The following MATCAP1 variants were observed in gnomAD, a reference collection of about 807,000 sequenced individuals.
The protein encoded by MATCAP1 is microtubule-associated tyrosine carboxypeptidase 1.
chr16:67,179,291 T>C, the MATCAP1 span: 1 of 1,493,004 alleles, frequency 6.7e-7, no homozygotes, highest in South Asian at 1.4e-5. This position sits in a 1 kb window ranked among gnomAD's most constrained non-coding sequence, Gnocchi z 5.2. Context: ...AGGTGGCTGC[T>C]CAGGAAGGGA....
the MATCAP1 span, chr16:67,179,898 C>T: frequency 6.2e-7 from 1 of 1,614,264 alleles, no homozygotes; most frequent in Admixed American, 1.7e-5. This position sits in a 1 kb window ranked among gnomAD's most constrained non-coding sequence, Gnocchi z 5.2. Context: ...CCCCCAGTGG[C>T]AGCCTCAAAG....
chr16:67,180,281 C>T, the MATCAP1 span: 1 of 1,612,522 alleles, frequency 6.2e-7, no homozygotes, highest in Non-Finnish European at 8.5e-7. Context: ...GCAGGGTGCC[C>T]CCACCTGGGT....
the MATCAP1 span, chr16:67,180,166 C>T: frequency 6.2e-7 from 1 of 1,614,214 alleles, no homozygotes; most frequent in South Asian, 1.1e-5. Context: ...CGCTCACGGT[C>T]CATGTTGGTT....
At chr16:67,179,140 T>C in the MATCAP1 span, 4 of 1,231,708 alleles carry the variant, frequency 3.2e-6, no homozygotes, top group Non-Finnish European at 3.1e-6. This position sits in a 1 kb window ranked among gnomAD's most constrained non-coding sequence, Gnocchi z 5.2. Context: ...GGTCAGGGCC[T>C]GACCAGCCTT....
chr16:67,177,168 C>T, the MATCAP1 span, among the ~76,000 whole-genome samples: 1 of 152,160 alleles, frequency 6.6e-6, no homozygotes, highest in African/African-American at 2.4e-5. Flanking sequence ...TCAACAGTTT[C>T]TTTTTGTCAT....
chr16:67,178,180 C>A, the MATCAP1 span: 1 of 1,535,694 alleles, frequency 6.5e-7, no homozygotes, highest in South Asian at 1.2e-5. Flanking sequence ...CTAGGCACCT[C>A]CCCCGCGCTG....
chr16:67,182,484 C>T, the MATCAP1 span, among the ~76,000 whole-genome samples: 1 of 152,216 alleles, frequency 6.6e-6, no homozygotes, highest in African/African-American at 2.4e-5. Flanking sequence ...AGACTTCTTC[C>T]ATAAACTTTA....
chr16:67,180,446 TG>T, the MATCAP1 span: 8 of 1,609,706 alleles, frequency 5.0e-6, no homozygotes, highest in African/African-American at 1.3e-5. Flanking sequence ...GCTGCAGCGC[TG>T]GGGGGACTGC....
At chr16:67,183,561 TAATG>T in the MATCAP1 span, 3 of 152,268 alleles carry the variant, frequency 2.0e-5, no homozygotes, top group Non-Finnish European at 4.4e-5. Flanking sequence ...ACTGGGTGCA[TAATG>T]AATGAAGGAT....
At chr16:67,178,946 G>C in the MATCAP1 span, 2 of 418,532 alleles carry the variant, frequency 4.8e-6, no homozygotes, top group African/African-American at 4.1e-5. Flanking sequence ...GAGGAAGAGG[G>C]ACAGACAGAT....
At chr16:67,178,561 G>A in the MATCAP1 span, 1 of 1,427,874 alleles carries the variant, frequency 7.0e-7, no homozygotes, top group Non-Finnish European at 9.5e-7. Flanking sequence ...ACCCGCCTGC[G>A]AGCCCAGCCC....
chr16:67,179,367 AC>A, the MATCAP1 span: 1 of 1,538,872 alleles, frequency 6.5e-7, no homozygotes, highest in Non-Finnish European at 8.8e-7. The surrounding 1 kb of genome is among the most constrained non-coding windows in gnomAD (Gnocchi z 5.2). Context: ...CCTCCTTCCC[AC>A]CCCTCCCAGC....
the MATCAP1 span, among the ~76,000 whole-genome samples, chr16:67,183,025 G>T: frequency 1.3e-5 from 2 of 152,112 alleles, no homozygotes; most frequent in Non-Finnish European, 2.9e-5. Flanking sequence ...ATGAATCCAA[G>T]AGCTCTTCTT....
At chr16:67,183,641 G>A in the MATCAP1 span, 3 of 153,202 alleles carry the variant, frequency 2.0e-5, no homozygotes, top group Non-Finnish European at 4.4e-5. Flanking sequence ...TGTGGCCTGT[G>A]CGGAGAGAAG....
the MATCAP1 span, among the ~76,000 whole-genome samples, chr16:67,182,882 T>C: frequency 6.6e-6 from 1 of 152,134 alleles, no homozygotes; most frequent in African/African-American, 2.4e-5. Context: ...CCATCTGGAG[T>C]GTACTTCAGT....
the MATCAP1 span, chr16:67,178,811 C>CA: frequency 1.5e-6 from 1 of 656,700 alleles, no homozygotes; most frequent in African/African-American, 1.8e-5. Flanking sequence ...ACATTGCCCC[C>CA]AGCCCTCCTG....
At chr16:67,178,563 G>T in the MATCAP1 span, 11 of 1,413,460 alleles carry the variant, frequency 7.8e-6, no homozygotes, top group Non-Finnish European at 1.1e-5. Context: ...CCGCCTGCGA[G>T]CCCAGCCCTG....
At chr16:67,177,887 C>T in the MATCAP1 span, 1,317 of 798,748 alleles carry the variant, frequency 1.6e-3, 11 homozygotes, top group African/African-American at 0.019. Context: ...CTTCCACCCA[C>T]GCTCCCCCCT....
the MATCAP1 span, chr16:67,179,727 T>G: frequency 1.9e-6 from 3 of 1,566,184 alleles, no homozygotes; most frequent in Admixed American, 5.1e-5. The surrounding 1 kb of genome is among the most constrained non-coding windows in gnomAD (Gnocchi z 5.2). Flanking sequence ...GGGGCAGGGG[T>G]GGGTCAGGTG....
Sources: gnomAD v4.1 joint callset for allele counts (sites outside exome capture counted in the v4.1 genomes callset) on GRCh38, gnomAD v4.1.1 for gene constraint, Gnocchi (gnomAD v3.1) non-coding constraint, MANE v1.5 for transcripts, NCBI Gene and HGNC (gene_info 2026-07-23, HGNC 2026-07-21) for gene names.